The following ACTR3B variants were observed in gnomAD, a reference collection of about 807,000 sequenced individuals.
ACTR3B encodes actin related protein 3B.
In ACTR3B, 8 loss-of-function variants were observed where a neutral mutation model predicts 59.0. The ratio of observed to expected loss-of-function variants is 0.14; its 90% CI spans 0.08 to 0.24. The LOEUF (loss-of-function observed/expected upper bound fraction) is 0.24. Among genes scored for constraint, ACTR3B ranks in the 10% least tolerant of loss-of-function variants. The pLI is 1.00. For synonymous variants in ACTR3B, 148 were observed against 197.9 expected (o/e 0.75, Z 2.12); for missense variants, 245 against 552.3 (o/e 0.44, Z 5.58).
intron 2 of ACTR3B, among the ~76,000 whole-genome samples, chr7:152,784,318 A>G (rs1197624645): frequency 6.6e-6 from 1 of 152,162 alleles, no homozygotes; most frequent in African/African-American, 2.4e-5. Flanking sequence ...CAGGGAAAAA[A>G]CAGCTGGAGA....
intron 1 of ACTR3B, among the ~76,000 whole-genome samples, chr7:152,761,628 A>G (rs748319205): frequency 1.3e-5 from 2 of 152,158 alleles, no homozygotes; most frequent in Non-Finnish European, 1.5e-5. Flanking sequence ...GCCCAAAGTC[A>G]TGCTTCAGAA....
rs1164677748 is a variant in ACTR3B at position 152,812,019 on chromosome 7, CTTTTTTTTTTTTTTTTT to C, written c.337-2518_337-2502del. 5.1e-4 allele frequency: 12 copies of C among 23,378 alleles called. 1 individual carries two copies. Among genetic ancestry groups the C allele is most frequent in the African/African-American group, 1.0e-3 (9 of 8,844 alleles). The allele number at this position is 23,378 out of a possible 1,614,324, so 1.4% of individuals were successfully genotyped here. ...TTCTTAATTCCCAGAAAATAAAAGT[CTTTTTTTTTTTTTTTTT>C]TTTTTTTTTTTTGAGACGGAGTCTT... On this transcript the variant is annotated intron_variant, in intron 4 of 11. Coordinates refer to ENST00000256001, the MANE Select transcript of ACTR3B (RefSeq NM_020445.6).
rs1326762523 is a variant in ACTR3B, at chr7:152,800,449, G to C, written c.101-82G>C. 4 of 1,534,398 alleles carry C rather than the reference G, an allele frequency of 2.6e-6. No individual in the cohort carries two copies. The African/African-American group carries it at 4.2e-5, about 16-fold the overall frequency. On this transcript the variant is annotated intron_variant, in intron 2 of 11. Coordinates refer to ENST00000256001, the MANE Select transcript of ACTR3B (RefSeq NM_020445.6). ...CCTAACAATGAAAATTTACTTGTGTGTATATAAGGATATTATCCCTTTTGA... is the reference window on the plus strand; with the variant it reads ...CCTAACAATGAAAATTTACTTGTGTCTATATAAGGATATTATCCCTTTTGA...
chr7:152,835,049 TTAAG>T (rs1336378907), intron 9 of ACTR3B, among the ~76,000 whole-genome samples: 1 of 151,526 alleles, frequency 6.6e-6, no homozygotes, highest in Admixed American at 6.6e-5. Context: ...GTTTTCTGAA[TTAAG>T]TGTTTTTTTT....
chr7:152,764,208 T>C (rs2098100387), intron 1 of ACTR3B, among the ~76,000 whole-genome samples: 2 of 152,076 alleles, frequency 1.3e-5, no homozygotes, highest in South Asian at 2.1e-4. Context: ...GGTTTTGTCA[T>C]GTTGGCCAGG....
chr7:152,843,954 A>G (rs1457196267), intron 9 of ACTR3B, among the ~76,000 whole-genome samples: 1 of 152,234 alleles, frequency 6.6e-6, no homozygotes, highest in African/African-American at 2.4e-5. Flanking sequence ...GACAGAATAA[A>G]TGCATGCAAA....
Position 152,854,649 on chromosome 7 carries a change from G to C in ACTR3B, c.*96G>C. 2 of 1,309,402 alleles carry C rather than the reference G, an allele frequency of 1.5e-6. No individual in the cohort carries two copies. Among genetic ancestry groups the C allele is most frequent in the East Asian group, 4.7e-5 (2 of 42,296 alleles). The allele number at this position is 1,309,402 out of a possible 1,614,324, so 81.1% of individuals were successfully genotyped here. ...CGCCGTTCTGTAAATAGCGACGTCG[G>C]TGTTGCTGCCCAGCAGCGTGCTTGC... On this transcript the variant is annotated 3_prime_UTR_variant, in exon 12 of 12. Coordinates refer to ENST00000256001, the MANE Select transcript of ACTR3B (RefSeq NM_020445.6). The surrounding 1 kb of genome is among the most constrained non-coding windows in gnomAD (Gnocchi z 4.9).
intron 6 of ACTR3B, among the ~76,000 whole-genome samples, chr7:152,820,013 T>C (rs1483113335): frequency 6.6e-6 from 1 of 152,256 alleles, no homozygotes; most frequent in African/African-American, 2.4e-5. Context: ...AAATGAACTA[T>C]CTTATGTGGT....
At chr7:152,763,907 A>G (rs2098099268) in intron 1 of ACTR3B, among the ~76,000 whole-genome samples, 1 of 152,230 alleles carries the variant, frequency 6.6e-6, no homozygotes, top group South Asian at 2.1e-4. Flanking sequence ...ATAATCCATT[A>G]TGCCGTCCTC....
At chr7:152,815,570 G>T (rs1795622529) in intron 5 of ACTR3B, among the ~76,000 whole-genome samples, 1 of 152,196 alleles carries the variant, frequency 6.6e-6, no homozygotes, top group Admixed American at 6.5e-5. Flanking sequence ...GCTTTGGGCT[G>T]GGTAGTCCTT....
chr7:152,831,340 T>A (rs1243855070), intron 9 of ACTR3B, among the ~76,000 whole-genome samples: 1 of 152,122 alleles, frequency 6.6e-6, no homozygotes, highest in Non-Finnish European at 1.5e-5. Flanking sequence ...CTGCGGGCGC[T>A]GAGCAGCCAG....
chr7:152,778,749 G>A (rs2098142400), intron 1 of ACTR3B, among the ~76,000 whole-genome samples: 1 of 151,294 alleles, frequency 6.6e-6, no homozygotes, highest in Non-Finnish European at 1.5e-5. Flanking sequence ...AGACCAATCT[G>A]GGCAACATAG....
intron 2 of ACTR3B, among the ~76,000 whole-genome samples, chr7:152,795,116 C>A (rs1322724136): frequency 6.6e-6 from 1 of 151,392 alleles, no homozygotes; most frequent in East Asian, 1.9e-4. Flanking sequence ...CTCACTGCAA[C>A]CCCTGCCACC....
intron 4 of ACTR3B, among the ~76,000 whole-genome samples, chr7:152,804,286 G>A (rs28587481): frequency 0.6 from 90,764 of 151,992 alleles, 28,429 homozygotes; most frequent in East Asian, 0.75. Flanking sequence ...TTAGAACTTC[G>A]GAAGGGATTT....
chr7:152,837,106 G>A (rs1409184165), intron 9 of ACTR3B, among the ~76,000 whole-genome samples: 1 of 152,212 alleles, frequency 6.6e-6, no homozygotes. Flanking sequence ...AGCCTGGGAG[G>A]TGGAGGCTAC....
intron 10 of ACTR3B, among the ~76,000 whole-genome samples, chr7:152,853,166 CTGATA>C (rs1798965717): frequency 6.6e-6 from 1 of 151,318 alleles, no homozygotes; most frequent in Non-Finnish European, 1.5e-5. Flanking sequence ...GCCAGAACAT[CTGATA>C]TGTTAGGTTA....
intron 9 of ACTR3B, among the ~76,000 whole-genome samples, chr7:152,847,844 T>C (rs769704549): frequency 6.6e-6 from 1 of 152,138 alleles, no homozygotes; most frequent in Non-Finnish European, 1.5e-5. Flanking sequence ...ATTTCTTCTT[T>C]AGACCCTCAC....
At chr7:152,789,955 G>T (rs1590259248) in intron 2 of ACTR3B, among the ~76,000 whole-genome samples, 1 of 135,954 alleles carries the variant, frequency 7.4e-6, no homozygotes, top group Non-Finnish European at 1.6e-5. Context: ...AAGCTTTTCT[G>T]TTATTGAGAT....
rs1432717836 is a variant in ACTR3B, at chr7:152,854,218, G to T, written c.1162-240G>T. Among the ~76,000 whole-genome samples, 1 of 152,168 alleles carries T rather than the reference G, an allele frequency of 6.6e-6. No individual in the cohort carries two copies. Among genetic ancestry groups the T allele is most frequent in the African/African-American group, 2.4e-5 (1 of 41,444 alleles). On this transcript the variant is annotated intron_variant, in intron 11 of 11. Transcript: ENST00000256001. The surrounding 1 kb of genome is among the most constrained non-coding windows in gnomAD (Gnocchi z 4.9). Reference sequence around the variant, plus strand: ...CACATTTGTGAATAGCTCACACATTGTTAGTGGGGGACCGGCATTTGGTTG... The same window carrying T: ...CACATTTGTGAATAGCTCACACATTTTTAGTGGGGGACCGGCATTTGGTTG...
Sources: gnomAD v4.1 joint callset for allele counts (sites outside exome capture counted in the v4.1 genomes callset) on GRCh38, gnomAD v4.1.1 for gene constraint, Gnocchi (gnomAD v3.1) non-coding constraint, MANE v1.5 for transcripts, NCBI Gene and HGNC (gene_info 2026-07-23, HGNC 2026-07-21) for gene names.